MC2R: variants seen among roughly 807,000 people sequenced by gnomAD.
The protein encoded by MC2R is adrenocorticotropic hormone receptor.
MC2R carries 9 observed loss-of-function variants against 9.8 expected under a neutral mutation model. The observed-to-expected ratio is 0.92, with a 90% CI of 0.55 to 1.60. The LOEUF (loss-of-function observed/expected upper bound fraction) is 1.60. MC2R is among the 40% of genes most tolerant of loss of function. The pLI is 0.00. For missense variants in MC2R, 370 were observed against 389.0 expected (o/e 0.95, Z 0.41); for synonymous variants, 185 against 154.7 (o/e 1.20, Z -1.45).
intron 1 of MC2R, among the ~76,000 whole-genome samples, chr18:13,894,568 T>A (rs1006327112): frequency 6.6e-6 from 1 of 152,256 alleles, no homozygotes; most frequent in Admixed American, 6.5e-5. Context: ...CAGTGTGGGT[T>A]CAATAAAGGA....
At chr18:13,890,088 T>C (rs1417857550) in intron 1 of MC2R, among the ~76,000 whole-genome samples, 1 of 152,240 alleles carries the variant, frequency 6.6e-6, no homozygotes, top group Non-Finnish European at 1.5e-5. Flanking sequence ...TAAACCTCTG[T>C]ATCTGACCAA....
At chr18:13,898,202 G>A (rs150100164) in intron 1 of MC2R, among the ~76,000 whole-genome samples, 8 of 152,288 alleles carry the variant, frequency 5.3e-5, no homozygotes, top group South Asian at 4.2e-4. Flanking sequence ...ACTGAAGAGC[G>A]CTTGCAAACA....
intron 1 of MC2R, among the ~76,000 whole-genome samples, chr18:13,889,331 T>C (rs571796361): frequency 6.6e-5 from 10 of 152,298 alleles, no homozygotes; most frequent in African/African-American, 2.2e-4. Context: ...GAGGCAGAGA[T>C]GGGGTGGTGG....
rs575788874 is a variant in MC2R, at chr18:13,895,443, G to T, written c.-128-9797C>A. 1.3e-5 allele frequency among the ~76,000 whole-genome samples: 2 copies of T among 152,236 alleles called. 1 individual carries two copies. Among genetic ancestry groups the T allele is most frequent in the South Asian group, 4.1e-4 (2 of 4,820 alleles). On this transcript the variant is annotated intron_variant, in intron 1 of 1. Transcript: ENST00000327606. ...TCCCTGAAAACAGCTTTATTTACAA[G>T]AGCAGTACTTGCAGGGTCAGAAGTC...
intron 1 of MC2R, among the ~76,000 whole-genome samples, chr18:13,894,779 T>G (rs1236655222): frequency 1.3e-5 from 2 of 152,202 alleles, no homozygotes; most frequent in African/African-American, 4.8e-5. Flanking sequence ...GCCTGTCACA[T>G]TTTTTAGTAC....
chr18:13,914,009 A>G (rs1344936780), intron 1 of MC2R, among the ~76,000 whole-genome samples: 1 of 152,174 alleles, frequency 6.6e-6, no homozygotes, highest in East Asian at 1.9e-4. Flanking sequence ...ATTAGACACT[A>G]AGGATTCCAT....
At chr18:13,911,142 C>T (rs2045441647) in intron 1 of MC2R, among the ~76,000 whole-genome samples, 1 of 152,118 alleles carries the variant, frequency 6.6e-6, no homozygotes, top group African/African-American at 2.4e-5. Context: ...AGCAAGGAGG[C>T]CAGTAACAGT....
intron 1 of MC2R, among the ~76,000 whole-genome samples, chr18:13,897,152 C>A (rs1598464357): frequency 6.6e-6 from 1 of 151,960 alleles, no homozygotes; most frequent in Admixed American, 6.5e-5. Flanking sequence ...GCAGACACCA[C>A]CCCCCCAAAC....
chr18:13,897,321 A>G (rs1235057170), intron 1 of MC2R, among the ~76,000 whole-genome samples: 1 of 152,218 alleles, frequency 6.6e-6, no homozygotes, highest in Admixed American at 6.5e-5. Context: ...TCTTTAGACC[A>G]GCCCTAGCCA....
At position 13,882,758 on chromosome 18, in the gene MC2R, A is replaced by G. The variant is rs779236506; in HGVS notation, c.*1867T>C. ...TTTAATCACATAAAATATGTTATAC[A>G]TTACTTTTTCAATGGTAGAAATAAC... is the stretch of plus-strand genomic sequence containing the variant. On this transcript the variant is annotated 3_prime_UTR_variant, in exon 2 of 2. Transcript: ENST00000327606. The G allele has an allele frequency of 2.0e-5, 3 of 152,248 alleles. No individual in the cohort carries two copies. The highest frequency in any genetic ancestry group is 2.9e-5 in the Non-Finnish European group (2 of 68,046). The allele number at this position is 152,248 out of a possible 1,614,324, so 9.4% of individuals were successfully genotyped here. A position where few individuals can be genotyped will look rare whatever the true frequency, so the allele number is the denominator to read the frequency against.
intron 1 of MC2R, among the ~76,000 whole-genome samples, chr18:13,896,537 C>A (rs1291492754): frequency 1.3e-5 from 2 of 152,088 alleles, no homozygotes; most frequent in East Asian, 3.8e-4. Flanking sequence ...AGATAAAAAA[C>A]AGTTAGAAAT....
chr18:13,908,640 T>C (rs1411688650), intron 1 of MC2R, among the ~76,000 whole-genome samples: 1 of 151,868 alleles, frequency 6.6e-6, no homozygotes, highest in Non-Finnish European at 1.5e-5. Context: ...TGAAACTACA[T>C]ACAGCTATTA....
chr18:13,901,344 C>A (rs1375364097), intron 1 of MC2R, among the ~76,000 whole-genome samples: 4 of 151,372 alleles, frequency 2.6e-5, no homozygotes, highest in African/African-American at 7.3e-5. Flanking sequence ...ACTAGAAAAG[C>A]AAGAGCAAAC....
At chr18:13,895,740 A>C (rs2045342410) in intron 1 of MC2R, among the ~76,000 whole-genome samples, 1 of 152,142 alleles carries the variant, frequency 6.6e-6, no homozygotes, top group Admixed American at 6.5e-5. Context: ...GGTGGTTAGC[A>C]CCCTGGGAAG....
At chr18:13,893,155 T>A (rs907154228) in intron 1 of MC2R, among the ~76,000 whole-genome samples, 3 of 152,258 alleles carry the variant, frequency 2.0e-5, no homozygotes, top group African/African-American at 7.2e-5. Context: ...AAATTCTTTG[T>A]GATGGCTTCC....
At chr18:13,906,192 A>T (rs1341509891) in intron 1 of MC2R, among the ~76,000 whole-genome samples, 1 of 152,264 alleles carries the variant, frequency 6.6e-6, no homozygotes, top group Admixed American at 6.5e-5. Context: ...ATGTCCATCA[A>T]TGATAGACTG....
At chr18:13,905,719 C>T (rs1276743771) in intron 1 of MC2R, among the ~76,000 whole-genome samples, 1 of 152,086 alleles carries the variant, frequency 6.6e-6, no homozygotes, top group Non-Finnish European at 1.5e-5. Flanking sequence ...CTGGAAATAC[C>T]ATTTGACCCA....
intron 1 of MC2R, among the ~76,000 whole-genome samples, chr18:13,898,667 G>C (rs1482184970): frequency 6.6e-6 from 1 of 152,216 alleles, no homozygotes; most frequent in Admixed American, 6.5e-5. Flanking sequence ...AGGTGGCTCA[G>C]AAGAGAGAGA....
intron 1 of MC2R, among the ~76,000 whole-genome samples, chr18:13,891,776 T>TTC (rs5823276): frequency 0.37 from 56,178 of 151,858 alleles, 10,394 homozygotes; most frequent in Middle Eastern, 0.41. Context: ...GGCCTCTTAC[T>TTC]TGTTTCAGTG....
Sources: gnomAD v4.1 joint callset for allele counts (sites outside exome capture counted in the v4.1 genomes callset) on GRCh38, gnomAD v4.1.1 for gene constraint, MANE v1.5 for transcripts, NCBI Gene and HGNC (gene_info 2026-07-23, HGNC 2026-07-21) for gene names.